The following FOXP1 variants were observed in gnomAD, a reference collection of about 807,000 sequenced individuals.
FOXP1 encodes forkhead box protein P1.
A neutral mutation model predicts 98.2 loss-of-function variants in FOXP1; 15 were observed. That is an observed-to-expected ratio of 0.15 (90% CI 0.10 to 0.24). FOXP1 has a LOEUF of 0.24. FOXP1 is among the 10% of genes least tolerant of loss of function. The pLI is 1.00. For synonymous variants in FOXP1, 371 were observed against 314.5 expected, an observed-to-expected ratio of 1.18 and a Z score of -1.90; for missense variants, 633 against 848.5, an observed-to-expected ratio of 0.75 and a Z score of 3.15.
At chr3:71,032,995 A>G (rs1331748091) in intron 11 of FOXP1, among the ~76,000 whole-genome samples, 4 of 152,208 alleles carry the variant, frequency 2.6e-5, no homozygotes, top group African/African-American at 7.2e-5. Context: ...TTTTATAGGT[A>G]AAAGAGTAAA....
intron 7 of FOXP1, among the ~76,000 whole-genome samples, chr3:71,081,610 A>G (rs929001621): frequency 1.3e-5 from 2 of 152,208 alleles, no homozygotes; most frequent in Admixed American, 6.5e-5. Flanking sequence ...AACACTTAGA[A>G]CTGCTTTGGT....
At chr3:71,182,953 A>C (rs1560077833) in intron 6 of FOXP1, among the ~76,000 whole-genome samples, 1 of 152,080 alleles carries the variant, frequency 6.6e-6, no homozygotes, top group Non-Finnish European at 1.5e-5. Context: ...CATTATGATA[A>C]TTTTTAAAGT....
chr3:71,322,149 C>T (rs2075425877), intron 4 of FOXP1, among the ~76,000 whole-genome samples: 1 of 152,140 alleles, frequency 6.6e-6, no homozygotes, highest in African/African-American at 2.4e-5. Flanking sequence ...GTTTAGCAGA[C>T]TTTAGGGAAC....
chr3:71,562,486 G>T (rs879578787), intron 2 of FOXP1, among the ~76,000 whole-genome samples: 2 of 152,146 alleles, frequency 1.3e-5, no homozygotes, highest in Non-Finnish European at 2.9e-5. Context: ...TGTTGGGCTG[G>T]ATTCTTGACT....
At chr3:71,251,655 T>C (rs1366238133) in intron 5 of FOXP1, among the ~76,000 whole-genome samples, 1 of 152,112 alleles carries the variant, frequency 6.6e-6, no homozygotes, top group Non-Finnish European at 1.5e-5. Flanking sequence ...CTGAGTGATA[T>C]ATAGAGAGCT....
At position 71,182,060 on chromosome 3, in the gene FOXP1, A is replaced by AAG. The variant is rs2062341833; in HGVS notation, c.180+16140_180+16141dup. ...AAAAAAAAGAAAAAAAAGAAAAAAA[A>AAG]AGAAAAAGAAAACAAATGTGGTTTT... On this transcript the variant is annotated intron_variant, in intron 6 of 20. Transcript: ENST00000649528. Among the ~76,000 whole-genome samples, 13 of 151,966 alleles carry AAG rather than the reference A, an allele frequency of 8.6e-5. No homozygotes were observed. The South Asian group carries it at 2.5e-3, about 29-fold the overall frequency.
chr3:71,328,895 C>T (rs2076089137), intron 4 of FOXP1, among the ~76,000 whole-genome samples: 1 of 146,938 alleles, frequency 6.8e-6, no homozygotes, highest in Non-Finnish European at 1.5e-5. Context: ...TGCTTGAACC[C>T]AGGAGGCGAA....
chr3:71,582,494 C>A (rs1166010997), intron 1 of FOXP1: 2 of 985,320 alleles, frequency 2.0e-6, no homozygotes, highest in African/African-American at 3.5e-5. Context: ...AGGCTGCGCG[C>A]AAGCGAGGGA....
chr3:71,532,843 A>C (rs1208316379), intron 2 of FOXP1, among the ~76,000 whole-genome samples: 1 of 152,208 alleles, frequency 6.6e-6, no homozygotes, highest in Non-Finnish European at 1.5e-5. Flanking sequence ...CATATCTAGC[A>C]ATAACTTCAT....
intron 6 of FOXP1, among the ~76,000 whole-genome samples, chr3:71,121,432 T>C (rs953017181): frequency 6.6e-6 from 1 of 151,738 alleles, no homozygotes; most frequent in African/African-American, 2.4e-5. Flanking sequence ...GTAAGTTTAA[T>C]GACTACAAAC....
chr3:71,225,398 A>C (rs978662106), intron 5 of FOXP1, among the ~76,000 whole-genome samples: 1 of 152,250 alleles, frequency 6.6e-6, no homozygotes, highest in African/African-American at 2.4e-5. Context: ...CTTTCTTCCC[A>C]AATCACATCA....
At chr3:71,384,938 G>T (rs1412681995) in intron 3 of FOXP1, among the ~76,000 whole-genome samples, 1 of 151,988 alleles carries the variant, frequency 6.6e-6, no homozygotes, top group Non-Finnish European at 1.5e-5. Context: ...AAAAAGAAAC[G>T]GGCACTCTCT....
At chr3:71,507,931 G>C (rs539342754) in intron 2 of FOXP1, among the ~76,000 whole-genome samples, 2 of 152,272 alleles carry the variant, frequency 1.3e-5, no homozygotes, top group Non-Finnish European at 2.9e-5. Flanking sequence ...CAGCTGACAG[G>C]AATAAGCACA....
intron 6 of FOXP1, among the ~76,000 whole-genome samples, chr3:71,168,625 A>G (rs995636909): frequency 6.6e-6 from 1 of 152,264 alleles, no homozygotes; most frequent in African/African-American, 2.4e-5. Flanking sequence ...ATTTACAGGA[A>G]AAGAAGCTGG....
intron 12 of FOXP1, among the ~76,000 whole-genome samples, chr3:71,006,690 A>T (rs1244510318): frequency 6.6e-6 from 1 of 152,132 alleles, no homozygotes; most frequent in Non-Finnish European, 1.5e-5. Flanking sequence ...TGATCACATG[A>T]AATACCTAAG....
chr3:71,372,570 G>A (rs2079418387), intron 3 of FOXP1, among the ~76,000 whole-genome samples: 1 of 152,140 alleles, frequency 6.6e-6, no homozygotes, highest in African/African-American at 2.4e-5. Flanking sequence ...GAAGCCGAGA[G>A]GGCAAAGGTC....
rs1406276125 is a variant in FOXP1, at chr3:70,956,048, A to G, written c.*3199T>C. ...AGCATATTCTGCAATTCCGTTACAT[A>G]CAGTAGTTTTTTTTCCAAAGCTATT... On this transcript the variant is annotated 3_prime_UTR_variant, in exon 21 of 21. Coordinates refer to ENST00000649528, the MANE Select transcript of FOXP1 (RefSeq NM_001349338.3). 2 of 233,114 alleles carry G rather than the reference A, an allele frequency of 8.6e-6. No individual in the cohort carries two copies. Among genetic ancestry groups the G allele is most frequent in the African/African-American group, 4.4e-5 (2 of 45,304 alleles). 14.4% of individuals were successfully genotyped at this position (233,114 alleles called of 1,614,324 possible). A position where few individuals can be genotyped will look rare whatever the true frequency, so the allele number is the denominator to read the frequency against.
At chr3:71,068,827 G>A (rs146497561) in intron 7 of FOXP1, among the ~76,000 whole-genome samples, 9 of 152,254 alleles carry the variant, frequency 5.9e-5, no homozygotes, top group Admixed American at 3.9e-4. Flanking sequence ...TCAGGAAAGC[G>A]CGCCTCCCCA....
At chr3:71,496,392 G>C (rs1032013516) in intron 2 of FOXP1, among the ~76,000 whole-genome samples, 3 of 152,186 alleles carry the variant, frequency 2.0e-5, no homozygotes, top group African/African-American at 4.8e-5. Context: ...CGAAGGCTTG[G>C]GGGTGAGGAG....
Sources: allele counts gnomAD v4.1 joint callset (sites outside exome capture counted in the v4.1 genomes callset), GRCh38; gene constraint gnomAD v4.1.1; transcripts MANE v1.5; gene names NCBI Gene and HGNC (gene_info 2026-07-23, HGNC 2026-07-21).